CNTNAP2: variants seen among roughly 807,000 people sequenced by gnomAD.
The protein encoded by CNTNAP2 is contactin associated protein 2.
A neutral mutation model predicts 155.2 loss-of-function variants in CNTNAP2; 98 were observed. The ratio of observed to expected loss-of-function variants is 0.63; its 90% CI spans 0.54 to 0.75. The LOEUF (loss-of-function observed/expected upper bound fraction) is 0.75, where lower values mean the gene tolerates loss of function less well. Among genes scored for constraint, CNTNAP2 ranks in the 30% least tolerant of loss-of-function variants. CNTNAP2 has a pLI of 0.00. For synonymous variants in CNTNAP2, 651 were observed against 631.2 expected, an observed-to-expected ratio of 1.03 and a Z score of -0.47; for missense variants, 1,727 against 1,688.1, an observed-to-expected ratio of 1.02 and a Z score of -0.40.
intron 8 of CNTNAP2, among the ~76,000 whole-genome samples, chr7:147,245,090 TC>T (rs2116646248): frequency 1.3e-5 from 2 of 152,192 alleles, no homozygotes; most frequent in African/African-American, 2.4e-5. Context: ...TTTTGCAACT[TC>T]CCCAAATACT....
At chr7:147,168,450 C>A (rs964425535) in intron 8 of CNTNAP2, among the ~76,000 whole-genome samples, 3 of 151,954 alleles carry the variant, frequency 2.0e-5, no homozygotes, top group African/African-American at 7.2e-5. Flanking sequence ...TAATTGCCTA[C>A]TTTTTTCCTA....
chr7:147,441,682 C>G (rs962509417), intron 10 of CNTNAP2, among the ~76,000 whole-genome samples: 2 of 152,134 alleles, frequency 1.3e-5, no homozygotes, highest in Non-Finnish European at 2.9e-5. Context: ...ACCCCAGTAA[C>G]ACTATGGTTC....
At chr7:148,119,917 T>C (rs1804564827) in intron 16 of CNTNAP2, among the ~76,000 whole-genome samples, 1 of 151,956 alleles carries the variant, frequency 6.6e-6, no homozygotes, top group Admixed American at 6.6e-5. Flanking sequence ...GAATTAAAAT[T>C]AACTAATTAA....
intron 16 of CNTNAP2, among the ~76,000 whole-genome samples, chr7:148,124,316 CA>C (rs1420349397): frequency 6.6e-6 from 1 of 151,894 alleles, no homozygotes; most frequent in Non-Finnish European, 1.5e-5. Context: ...AAATATTGTT[CA>C]AAAAAAATTT....
intron 1 of CNTNAP2, among the ~76,000 whole-genome samples, chr7:146,352,268 ATAAT>A (rs1192197686): frequency 6.6e-6 from 1 of 152,236 alleles, no homozygotes; most frequent in Non-Finnish European, 1.5e-5. Flanking sequence ...TGGAATTAAA[ATAAT>A]TACATAAAAC....
intron 10 of CNTNAP2, among the ~76,000 whole-genome samples, chr7:147,400,075 G>A (rs566758608): frequency 1.3e-5 from 2 of 152,282 alleles, no homozygotes; most frequent in African/African-American, 4.8e-5. Context: ...ATCTTAAGAT[G>A]CCTGACTCAA....
At chr7:147,445,187 G>A (rs932780598) in intron 10 of CNTNAP2, among the ~76,000 whole-genome samples, 2 of 152,292 alleles carry the variant, frequency 1.3e-5, no homozygotes, top group Middle Eastern at 3.4e-3. Flanking sequence ...ATGTTAACCT[G>A]ATCTGTCCTC....
chr7:148,143,407 G>T (rs1645547977), intron 16 of CNTNAP2, among the ~76,000 whole-genome samples: 1 of 152,190 alleles, frequency 6.6e-6, no homozygotes, highest in Admixed American at 6.5e-5. Context: ...GACCAGGTGT[G>T]GTGGCTCATG....
chr7:147,112,010 T>C (rs940337840), intron 5 of CNTNAP2, among the ~76,000 whole-genome samples: 30 of 152,340 alleles, frequency 2.0e-4, no homozygotes, highest in African/African-American at 6.5e-4. Context: ...TCCATGAGCA[T>C]GGAATGTTTT....
chr7:146,723,795 C>T (rs1408649127), intron 1 of CNTNAP2, among the ~76,000 whole-genome samples: 1 of 151,974 alleles, frequency 6.6e-6, no homozygotes, highest in Non-Finnish European at 1.5e-5. Flanking sequence ...AAATAATAAC[C>T]AGGTATTTTC....
rs1360165802 is a variant in CNTNAP2 at position 148,419,961 on chromosome 7, C to T, written c.*4345C>T. ...CTTGACTGCAAAATACCTTGAAACC[C>T]TTATATAAAGACTGAAGTCAACGGA... On this transcript the variant is annotated 3_prime_UTR_variant, in exon 24 of 24. Coordinates refer to ENST00000361727, the MANE Select transcript of CNTNAP2 (RefSeq NM_014141.6). 6.6e-6 allele frequency: 1 copy of T among 152,170 alleles called. No homozygotes were observed. Among genetic ancestry groups the T allele is most frequent in the Non-Finnish European group, 1.5e-5 (1 of 68,046 alleles). The allele number at this position is 152,170 out of a possible 1,614,324, so 9.4% of individuals were successfully genotyped here. A position where few individuals can be genotyped will look rare whatever the true frequency, so the allele number is the denominator to read the frequency against.
intron 21 of CNTNAP2, among the ~76,000 whole-genome samples, chr7:148,284,928 C>T (rs916074157): frequency 1.3e-5 from 2 of 152,136 alleles, no homozygotes; most frequent in African/African-American, 4.8e-5. Flanking sequence ...AATGTTCCTC[C>T]GGCACTAACA....
chr7:147,083,758 A>G (rs527595075), intron 4 of CNTNAP2, among the ~76,000 whole-genome samples: 60 of 143,170 alleles, frequency 4.2e-4, no homozygotes, highest in African/African-American at 1.4e-3. Flanking sequence ...ATAGGATTAT[A>G]TATGTGTATA....
intron 1 of CNTNAP2, among the ~76,000 whole-genome samples, chr7:146,193,117 T>G (rs1288734941): frequency 6.6e-6 from 1 of 152,226 alleles, no homozygotes. Flanking sequence ...CCTATGGCTT[T>G]GCAGGGTACA....
intron 1 of CNTNAP2, among the ~76,000 whole-genome samples, chr7:146,761,851 G>A (rs370322971): frequency 3.3e-5 from 5 of 151,924 alleles, no homozygotes; most frequent in African/African-American, 9.7e-5. Flanking sequence ...TAGGTCCTCC[G>A]TGTTATTGAA....
At chr7:147,206,438 C>A (rs1219490406) in intron 8 of CNTNAP2, among the ~76,000 whole-genome samples, 1 of 152,066 alleles carries the variant, frequency 6.6e-6, no homozygotes, top group African/African-American at 2.4e-5. Context: ...TGGTGTATGC[C>A]TGTAATCCCA....
chr7:147,808,345 G>A (rs1563096781), intron 13 of CNTNAP2, among the ~76,000 whole-genome samples: 1 of 152,162 alleles, frequency 6.6e-6, no homozygotes, highest in Non-Finnish European at 1.5e-5. Context: ...CAAGATTCTG[G>A]GGAGGAGAAA....
chr7:146,289,805 G>A (rs934357972), intron 1 of CNTNAP2, among the ~76,000 whole-genome samples: 3 of 152,094 alleles, frequency 2.0e-5, no homozygotes, highest in African/African-American at 4.8e-5. Flanking sequence ...ACATACAAAG[G>A]TGAGATGAAT....
chr7:146,659,363 G>A (rs900116480), intron 1 of CNTNAP2, among the ~76,000 whole-genome samples: 1 of 152,144 alleles, frequency 6.6e-6, no homozygotes, highest in East Asian at 1.9e-4. Flanking sequence ...GTTCTGTGTT[G>A]CTCCAGAGAG....
Sources: allele counts gnomAD v4.1 joint callset (sites outside exome capture counted in the v4.1 genomes callset), GRCh38; gene constraint gnomAD v4.1.1; transcripts MANE v1.5; gene names NCBI Gene and HGNC (gene_info 2026-07-23, HGNC 2026-07-21).